Variants in RNGTT observed in about 807,000 individuals in gnomAD.
The protein encoded by RNGTT is RNA guanylyltransferase and 5'-phosphatase.
A neutral mutation model predicts 79.3 loss-of-function variants in RNGTT; 33 were observed. The ratio of observed to expected loss-of-function variants is 0.42; its 90% CI spans 0.32 to 0.56. The LOEUF (loss-of-function observed/expected upper bound fraction) is 0.56, where lower values mean the gene tolerates loss of function less well. Among genes scored for constraint, RNGTT ranks in the 20% least tolerant of loss-of-function variants. The probability of loss-of-function intolerance (pLI) is 0.17; values close to 1 mark genes in which losing one functional copy is unlikely to be tolerated. For synonymous variants in RNGTT, 222 were observed against 235.9 expected, an observed-to-expected ratio of 0.94 and a Z score of 0.54; for missense variants, 497 against 739.1, an observed-to-expected ratio of 0.67 and a Z score of 3.80.
chr6:88,784,815 AAT>A (rs1332062612), intron 12 of RNGTT, among the ~76,000 whole-genome samples: 1 of 152,202 alleles, frequency 6.6e-6, no homozygotes, highest in African/African-American at 2.4e-5. Flanking sequence ...GCGCTAACAA[AAT>A]AGACATTAAA....
intron 13 of RNGTT, among the ~76,000 whole-genome samples, chr6:88,734,288 C>T (rs572423404): frequency 6.6e-6 from 1 of 151,710 alleles, no homozygotes; most frequent in Admixed American, 6.6e-5. Context: ...ATTGCAAACC[C>T]TAGGACAACC....
At chr6:88,640,118 C>T (rs1040305365) in intron 14 of RNGTT, among the ~76,000 whole-genome samples, 1 of 152,148 alleles carries the variant, frequency 6.6e-6, no homozygotes, top group Admixed American at 6.5e-5. Context: ...TCCATAAAGG[C>T]AGGGACCATT....
At chr6:88,960,628 A>G (rs1785584697) in intron 1 of RNGTT, among the ~76,000 whole-genome samples, 2 of 152,218 alleles carry the variant, frequency 1.3e-5, no homozygotes. Context: ...AAAAGAAATT[A>G]TAAGTTTGTT....
intron 2 of RNGTT, among the ~76,000 whole-genome samples, chr6:88,939,424 A>G (rs9351192): frequency 0.042 from 6,350 of 152,156 alleles, 194 homozygotes; most frequent in African/African-American, 0.079. Context: ...ATTTCATTCA[A>G]TGAATTCTTC....
chr6:88,826,187 G>C (rs769884159), intron 11 of RNGTT, among the ~76,000 whole-genome samples: 20 of 152,188 alleles, frequency 1.3e-4, no homozygotes, highest in Non-Finnish European at 2.6e-4. Flanking sequence ...GTTTACAACC[G>C]ATAGCATCTT....
chr6:88,769,751 A>C (rs367894992), intron 13 of RNGTT, 23 bp downstream of exon 13: 1 of 1,461,210 alleles, frequency 6.8e-7, no homozygotes, highest in South Asian at 1.2e-5. Context: ...TTTCATGCAA[A>C]AAGTACAAAA....
intron 13 of RNGTT, among the ~76,000 whole-genome samples, chr6:88,702,437 T>G (rs914046720): frequency 1.1e-4 from 16 of 152,258 alleles, no homozygotes; most frequent in African/African-American, 3.8e-4. Context: ...TTTGACAAAG[T>G]TGACAAAAAT....
intron 11 of RNGTT, among the ~76,000 whole-genome samples, chr6:88,821,782 T>C (rs550678367): frequency 1.1e-4 from 16 of 151,342 alleles, no homozygotes; most frequent in Non-Finnish European, 1.8e-4. Flanking sequence ...CAAAATGTAA[T>C]AGCACTGAAA....
intron 2 of RNGTT, among the ~76,000 whole-genome samples, chr6:88,940,074 TTTTTC>T (rs1279649587): frequency 2.0e-5 from 3 of 150,116 alleles, no homozygotes; most frequent in Non-Finnish European, 3.0e-5. Flanking sequence ...TTCTTTTTTT[TTTTTC>T]TTTTCTTTTT....
intron 12 of RNGTT, 107 bp downstream of exon 12, chr6:88,801,457 G>T: frequency 1.3e-6 from 1 of 760,754 alleles, no homozygotes; most frequent in South Asian, 2.3e-5. Context: ...TCAATCCCAA[G>T]TAAATAAGTT....
Position 88,937,526 on chromosome 6 carries a change from TA to T in RNGTT, c.174+3544del, listed in dbSNP as rs1310094338. On this transcript the variant is annotated intron_variant, in intron 2 of 15. Coordinates refer to ENST00000369485, the MANE Select transcript of RNGTT (RefSeq NM_003800.5). ...AACTTTTCATTTTGTTGATTCTTTG[TA>T]TTTTTTTTTTTAGTGTCTATTTTGT... Among the ~76,000 whole-genome samples the T allele has an allele frequency of 1.8e-3, 272 of 151,094 alleles. 3 individuals are homozygous for T. Among genetic ancestry groups the T allele is most frequent in the African/African-American group, 6.5e-3 (266 of 40,758 alleles).
At chr6:88,737,116 C>T (rs1435473685) in intron 13 of RNGTT, among the ~76,000 whole-genome samples, 2 of 152,168 alleles carry the variant, frequency 1.3e-5, no homozygotes, top group Non-Finnish European at 2.9e-5. Context: ...GGAATTTCCT[C>T]GATAGGTTTT....
At chr6:88,714,132 CTTAGA>C (rs1309427202) in intron 13 of RNGTT, 1 of 152,118 alleles carries the variant, frequency 6.6e-6, no homozygotes, top group Non-Finnish European at 1.5e-5. Context: ...AGATACACTA[CTTAGA>C]TTAATTAATA....
At chr6:88,706,900 T>C (rs1049022986) in intron 13 of RNGTT, among the ~76,000 whole-genome samples, 2 of 151,696 alleles carry the variant, frequency 1.3e-5, no homozygotes, top group Non-Finnish European at 1.5e-5. Context: ...AACTGGTATA[T>C]ATTTAGGTCT....
chr6:88,919,391 A>G (rs1784093854), intron 4 of RNGTT, among the ~76,000 whole-genome samples: 1 of 152,242 alleles, frequency 6.6e-6, no homozygotes, highest in African/African-American at 2.4e-5. Context: ...CCCAACAAAT[A>G]GACAGAGAGA....
chr6:88,878,720 G>GAA (rs1486770601), intron 8 of RNGTT, among the ~76,000 whole-genome samples: 11 of 151,976 alleles, frequency 7.2e-5, no homozygotes, highest in African/African-American at 2.7e-4. Context: ...TACATATCAG[G>GAA]AGCTATTTGC....
chr6:88,713,343 G>GGTATCT, intron 13 of RNGTT, among the ~76,000 whole-genome samples: 1 of 152,132 alleles, frequency 6.6e-6, no homozygotes, highest in Non-Finnish European at 1.5e-5. Flanking sequence ...ATGAAAAGTA[G>GGTATCT]GTATCTGTTG....
intron 10 of RNGTT, among the ~76,000 whole-genome samples, chr6:88,848,428 A>G (rs1278467101): frequency 6.7e-6 from 1 of 150,222 alleles, no homozygotes; most frequent in Admixed American, 6.6e-5. Flanking sequence ...TGTTCAATAT[A>G]GTAGTAATAT....
intron 15 of RNGTT, among the ~76,000 whole-genome samples, chr6:88,613,535 C>T (rs1449487458): frequency 6.6e-6 from 1 of 152,224 alleles, no homozygotes; most frequent in East Asian, 1.9e-4. Flanking sequence ...AACTGCAAAG[C>T]TGAAATTGGC....
Sources: gnomAD v4.1 joint callset for allele counts (sites outside exome capture counted in the v4.1 genomes callset) on GRCh38, gnomAD v4.1.1 for gene constraint, MANE v1.5 for transcripts, NCBI Gene and HGNC (gene_info 2026-07-23, HGNC 2026-07-21) for gene names.